Variants in NPC1 observed in about 807,000 individuals in gnomAD.
The protein encoded by NPC1 is NPC intracellular cholesterol transporter 1.
Under a neutral mutation model 140.4 loss-of-function variants are expected in NPC1, and 85 were observed. That is an observed-to-expected ratio of 0.61 (90% CI 0.51 to 0.72). The LOEUF is 0.72. NPC1 is among the 30% of genes least tolerant of loss of function. The pLI, the probability that NPC1 is intolerant of heterozygous loss-of-function variation, is 0.00. For missense variants in NPC1, 1,504 were observed against 1,623.8 expected (o/e 0.93, Z 1.27); for synonymous variants, 656 against 624.8 (o/e 1.05, Z -0.74).
Position 23,540,458 on chromosome 18 carries a change from G to GA in NPC1, c.2593dup (p.Ser865PhefsTer5). 1.3e-6 allele frequency: 2 copies of GA among 1,594,318 alleles called. No homozygotes were observed. The highest frequency in any genetic ancestry group is 1.7e-6 in the Non-Finnish European group (2 of 1,164,052). Reference sequence around the variant, plus strand: ...AGGAAGTCATCTTACATCTGGCATCGAAAGAGACTGATCCAATCCAATATC... The same window carrying GA: ...AGGAAGTCATCTTACATCTGGCATCGAAAAGAGACTGATCCAATCCAATATC... On this transcript the variant is annotated frameshift_variant, in exon 17 of 25. Transcript: ENST00000269228. LOFTEE classifies it high-confidence loss of function.
At chr18:23,567,395 G>T (rs1567975799) in intron 4 of NPC1, among the ~76,000 whole-genome samples, 1 of 152,144 alleles carries the variant, frequency 6.6e-6, no homozygotes, top group South Asian at 2.1e-4. Flanking sequence ...ATAATGTTGA[G>T]CATCTCTTCT....
In NPC1 at chr18:23,572,187, G is replaced by A. The variant is rs2145545045; in HGVS notation, c.181-7C>T. ...AGAATCCTGGACAGAGTTCCTTTCAGGTGAAAGAGCACAGACACGGGAGTA... is the reference window on the plus strand; with the variant it reads ...AGAATCCTGGACAGAGTTCCTTTCAAGTGAAAGAGCACAGACACGGGAGTA... On this transcript the variant is annotated splice_region_variant and splice_polypyrimidine_tract_variant and intron_variant, in intron 2 of 24. Transcript: ENST00000269228. The A allele has an allele frequency of 1.9e-6, 3 of 1,605,390 alleles. No homozygotes were observed. The highest frequency in any genetic ancestry group is 2.2e-5 in the South Asian group (2 of 90,904).
At chr18:23,515,951 G>C in intron 3 of NPC1, 1 of 1,614,126 alleles carries the variant, frequency 6.2e-7, no homozygotes. Flanking sequence ...TGATCTTGCT[G>C]TCTACCACGG....
chr18:23,585,422 C>T (rs1406539044), intron 1 of NPC1, among the ~76,000 whole-genome samples: 1 of 152,104 alleles, frequency 6.6e-6, no homozygotes, highest in East Asian at 1.9e-4. Flanking sequence ...TTTTTCTAGT[C>T]CACGGAACCC....
intron 3 of NPC1, among the ~76,000 whole-genome samples, chr18:23,571,234 A>T (rs1203880075): frequency 8.3e-5 from 1 of 12,120 alleles, no homozygotes; most frequent in Non-Finnish European, 1.2e-4. Flanking sequence ...ACTGACTTTA[A>T]AAAAAAAAAA....
intron 2 of NPC1, 90 bp downstream of exon 2, chr18:23,573,362 C>T: frequency 6.4e-7 from 1 of 1,570,440 alleles, no homozygotes; most frequent in Non-Finnish European, 8.8e-7. Context: ...CTCATCTCCA[C>T]CTCCACCCTG....
downstream of NPC1, chr18:23,529,109 T>G (rs2058400814): frequency 6.4e-7 from 1 of 1,557,108 alleles, no homozygotes; most frequent in South Asian, 1.2e-5. Context: ...TCAGTCCTTG[T>G]GGATGAACTG....
intron 24 of NPC1, chr18:23,532,908 G>T: frequency 2.0e-6 from 2 of 985,346 alleles, no homozygotes; most frequent in Non-Finnish European, 2.4e-6. Context: ...AGAAGTAAAA[G>T]GATCAAGGAC....
chr18:23,544,949 C>CT lies in NPC1; in HGVS notation c.1947+10_1947+11insA. On this transcript the variant is annotated intron_variant, in intron 12 of 24. Transcript: ENST00000269228. ...AACCTCTAGAACATACACCACCCCC[C>CT]CCCGGCTTACCAGAAGCCTGCGACA... The CT allele has an allele frequency of 7.1e-7, 1 of 1,402,078 alleles. No individual in the cohort carries two copies. Among genetic ancestry groups the CT allele is most frequent in the Admixed American group, 1.8e-5 (1 of 56,856 alleles). 86.9% of individuals were successfully genotyped at this position (1,402,078 alleles called of 1,614,324 possible).
chr18:23,585,763 G>A (rs1326999369), intron 1 of NPC1, among the ~76,000 whole-genome samples: 2 of 152,182 alleles, frequency 1.3e-5, no homozygotes, highest in African/African-American at 2.4e-5. Context: ...GTAAAAAGGA[G>A]TTGATGAAAA....
chr18:23,551,862 G>A, intron 9 of NPC1, 135 bp from the exon 10 acceptor site: 2 of 736,772 alleles, frequency 2.7e-6, no homozygotes, highest in Non-Finnish European at 4.9e-6. Context: ...TTTCTCAGTT[G>A]AGTAATACAG....
rs771088243 is a variant in NPC1 at position 23,540,456 on chromosome 18, T to A, written c.2596A>T (p.Met866Leu). 6.3e-7 allele frequency: 1 copy of A among 1,586,608 alleles called. No individual in the cohort carries two copies. Among genetic ancestry groups the A allele is most frequent in the Non-Finnish European group, 8.6e-7 (1 of 1,157,942 alleles). The change falls in exon 17 of 25, where the codon ATG (methionine) becomes TTG (leucine). Residue 866 changes from methionine (M) to leucine (L), a missense_variant. Met to Leu is a conservative substitution (Grantham distance 15, BLOSUM62 2). Coordinates refer to ENST00000269228, the MANE Select transcript of NPC1 (RefSeq NM_000271.5). Reference protein sequence around the residue: ...VDIGLDQSLSMPDDSYMVDYF... With the variant: ...VDIGLDQSLSLPDDSYMVDYF... ...AAAGGAAGTCATCTTACATCTGGCA[T>A]CGAAAGAGACTGATCCAATCCAATA... is the stretch of plus-strand genomic sequence containing the variant.
At chr18:23,517,809 C>T (rs2058048539), downstream of NPC1, among the ~76,000 whole-genome samples, 1 of 152,102 alleles carries the variant, frequency 6.6e-6, no homozygotes. Flanking sequence ...CCTCCGCCTT[C>T]TAGGTTCAAG....
chr18:23,572,524 T>C (rs1159847852), intron 2 of NPC1, among the ~76,000 whole-genome samples: 1 of 152,148 alleles, frequency 6.6e-6, no homozygotes, highest in African/African-American at 2.4e-5. Context: ...TTGAAACCTT[T>C]AATAATTATG....
Position 23,544,952 on chromosome 18 carries a change from C to CCCA in NPC1, c.1947+7_1947+8insTGG. ...CTCTAGAACATACACCACCCCCCCC[C>CCCA]GGCTTACCAGAAGCCTGCGACAGCT... On this transcript the variant is annotated splice_region_variant and intron_variant, in intron 12 of 24. Coordinates refer to ENST00000269228, the MANE Select transcript of NPC1 (RefSeq NM_000271.5). 1 of 1,430,730 alleles carries CCCA rather than the reference C, an allele frequency of 7.0e-7. No homozygotes were observed. Among genetic ancestry groups the CCCA allele is most frequent in the East Asian group, 2.5e-5 (1 of 40,062 alleles). 88.6% of individuals were successfully genotyped at this position (1,430,730 alleles called of 1,614,324 possible). A position where few individuals can be genotyped will look rare whatever the true frequency, so the allele number is the denominator to read the frequency against.
downstream of NPC1, chr18:23,526,699 A>G (rs756983985): frequency 6.2e-7 from 1 of 1,614,126 alleles, no homozygotes. Flanking sequence ...AGACAAAGGA[A>G]GACTCATGGA....
intron 1 of NPC1, among the ~76,000 whole-genome samples, chr18:23,583,605 C>T (rs557405915): frequency 7.9e-5 from 12 of 151,856 alleles, no homozygotes; most frequent in African/African-American, 2.9e-4. Context: ...GATGACTGAT[C>T]CAGGCTTCCG....
chr18:23,537,634 G>C (rs2058651476), intron 20 of NPC1, among the ~76,000 whole-genome samples: 1 of 152,186 alleles, frequency 6.6e-6, no homozygotes, highest in Non-Finnish European at 1.5e-5. Context: ...GCTGCGTGAT[G>C]AGAAATGGAA....
At chr18:23,508,559 ATT>A (rs1010453134) in intron 3 of NPC1, 1 of 152,526 alleles carries the variant, frequency 6.6e-6, no homozygotes, top group African/African-American at 2.4e-5. Flanking sequence ...CTGAGCTAAA[ATT>A]GGCAGTGTGG....
Sources: allele counts gnomAD v4.1 joint callset (sites outside exome capture counted in the v4.1 genomes callset), GRCh38; gene constraint gnomAD v4.1.1; transcripts MANE v1.5; gene names NCBI Gene and HGNC (gene_info 2026-07-23, HGNC 2026-07-21).